Variants in EPHA6 observed in about 807,000 individuals in gnomAD.
EPHA6 encodes the protein EPH receptor A6.
EPHA6 carries 50 observed loss-of-function variants against 112.0 expected under a neutral mutation model. The observed-to-expected ratio is 0.45, with a 90% CI of 0.36 to 0.56. The LOEUF (loss-of-function observed/expected upper bound fraction) is 0.56. Ranked by LOEUF, EPHA6 falls within the 20% of genes least tolerant of loss-of-function variation. The pLI is 0.00. For synonymous variants in EPHA6, 529 were observed against 490.7 expected (o/e 1.08, Z -1.03); for missense variants, 1,280 against 1,417.4 (o/e 0.90, Z 1.56).
intron 7 of EPHA6, among the ~76,000 whole-genome samples, chr3:97,468,002 T>C (rs547724983): frequency 5.3e-5 from 8 of 151,874 alleles, no homozygotes; most frequent in African/African-American, 1.9e-4. Flanking sequence ...ACCTGACAAG[T>C]AAATTGAGGT....
rs4060986 is a variant in EPHA6 at position 97,760,545 on chromosome 3, TATAAAG to T, written c.*11848_*11853del. The T allele has an allele frequency of 0.24, 43,381 of 177,920 alleles. 5,351 individuals are homozygous for T. The highest frequency in any genetic ancestry group is 0.3 in the East Asian group (3,195 of 10,734). The allele number at this position is 177,920 out of a possible 1,614,324, so 11.0% of individuals were successfully genotyped here. ...TTTGCTGTTCTAGCATAGCCAAAAA[TATAAAG>T]ATATAGATGTACATATACATATGTA... On this transcript the variant is annotated 3_prime_UTR_variant, in exon 18 of 18. Coordinates refer to ENST00000389672, the MANE Select transcript of EPHA6 (RefSeq NM_001080448.3).
intron 14 of EPHA6, among the ~76,000 whole-genome samples, chr3:97,694,180 A>G (rs530205385): frequency 1.3e-5 from 2 of 151,650 alleles, no homozygotes; most frequent in South Asian, 4.2e-4. Flanking sequence ...AGAGAATCTT[A>G]TTATTTCTGG....
At chr3:97,059,220 C>T (rs1282808349) in intron 3 of EPHA6, among the ~76,000 whole-genome samples, 1 of 152,138 alleles carries the variant, frequency 6.6e-6, no homozygotes, top group Non-Finnish European at 1.5e-5. Flanking sequence ...TGAACTAGGT[C>T]TCTGAGAATC....
intron 5 of EPHA6, among the ~76,000 whole-genome samples, chr3:97,270,650 C>T (rs555262979): frequency 6.6e-6 from 1 of 152,322 alleles, no homozygotes; most frequent in South Asian, 2.1e-4. Context: ...TTGCCACAGT[C>T]ATAACCAGTC....
chr3:97,634,128 G>A (rs1222376943), intron 13 of EPHA6, among the ~76,000 whole-genome samples: 5 of 151,926 alleles, frequency 3.3e-5, no homozygotes, highest in East Asian at 3.9e-4. Flanking sequence ...ATTCAAATCC[G>A]GACTCCACCA....
chr3:96,885,513 A>T (rs1194058300), intron 2 of EPHA6, among the ~76,000 whole-genome samples: 3 of 152,016 alleles, frequency 2.0e-5, no homozygotes, highest in Admixed American at 1.3e-4. Context: ...TTATGTGTGT[A>T]ATGGTGTTCA....
chr3:97,237,803 T>C (rs1301464580), intron 4 of EPHA6, among the ~76,000 whole-genome samples: 2 of 151,956 alleles, frequency 1.3e-5, no homozygotes, highest in East Asian at 1.9e-4. Context: ...TACTCAAACA[T>C]GAAAAAGGCC....
rs573902672 is a variant in EPHA6 at position 97,670,248 on chromosome 3, G to T, written c.2784+32166G>T. ...AACACCATAAATACAGCTAGATTAT[G>T]GAGTGATTAAATACAGGATAAAAAA... On this transcript the variant is annotated intron_variant, in intron 14 of 17. Transcript: ENST00000389672. Among the ~76,000 whole-genome samples the T allele has an allele frequency of 7.2e-5, 11 of 152,250 alleles. No individual in the cohort carries two copies. The East Asian group carries it at 9.6e-4, about 13-fold the overall frequency.
chr3:96,903,920 C>G (rs922550749), intron 2 of EPHA6, among the ~76,000 whole-genome samples: 4 of 152,138 alleles, frequency 2.6e-5, no homozygotes, highest in Non-Finnish European at 1.5e-5. Context: ...CCATCTCACA[C>G]TAGTTAGAAT....
intron 5 of EPHA6, among the ~76,000 whole-genome samples, chr3:97,380,039 A>G (rs1194452918): frequency 6.6e-6 from 1 of 152,154 alleles, no homozygotes; most frequent in Non-Finnish European, 1.5e-5. Context: ...ACAGGAGTTC[A>G]TGGGAGATAG....
chr3:97,678,101 G>A (rs912727406), intron 14 of EPHA6, among the ~76,000 whole-genome samples: 1 of 152,106 alleles, frequency 6.6e-6, no homozygotes, highest in African/African-American at 2.4e-5. Context: ...GAAATGAGGG[G>A]TGGTGACTTG....
At chr3:97,276,942 G>A (rs899801694) in intron 5 of EPHA6, among the ~76,000 whole-genome samples, 2 of 152,304 alleles carry the variant, frequency 1.3e-5, no homozygotes, top group Admixed American at 1.3e-4. Context: ...CTGTAAGCCG[G>A]ACCAGGTGTG....
At chr3:97,298,514 TA>T (rs1342139642) in intron 5 of EPHA6, among the ~76,000 whole-genome samples, 2 of 152,174 alleles carry the variant, frequency 1.3e-5, no homozygotes, top group African/African-American at 4.8e-5. Flanking sequence ...CAATTACTTT[TA>T]AAAAAGGAAC....
intron 10 of EPHA6, among the ~76,000 whole-genome samples, chr3:97,502,778 G>A (rs1206791757): frequency 7.6e-6 from 1 of 131,254 alleles, no homozygotes. Flanking sequence ...AGGTTGCAGT[G>A]AGCCGAGATT....
chr3:97,396,257 C>T (rs1011193970), intron 5 of EPHA6, among the ~76,000 whole-genome samples: 14 of 149,854 alleles, frequency 9.3e-5, no homozygotes, highest in Non-Finnish European at 1.8e-4. Flanking sequence ...CACATATGCA[C>T]GCATGCACAC....
intron 13 of EPHA6, among the ~76,000 whole-genome samples, chr3:97,629,490 G>A (rs921026562): frequency 2.6e-5 from 4 of 151,876 alleles, no homozygotes; most frequent in African/African-American, 9.7e-5. Context: ...AATAGCATGA[G>A]TATACCTCTT....
intron 3 of EPHA6, among the ~76,000 whole-genome samples, chr3:97,156,566 G>A (rs762637447): frequency 4.6e-5 from 7 of 152,076 alleles, no homozygotes; most frequent in Non-Finnish European, 1.0e-4. Flanking sequence ...TTATTCATTA[G>A]CAGATAAAAG....
rs71623567 is a variant in EPHA6 at position 97,187,747 on chromosome 3, GGAAA to G, written c.1115-38504_1115-38501del. On this transcript the variant is annotated intron_variant, in intron 3 of 17. Transcript: ENST00000389672. The stretch of plus-strand genomic sequence containing the variant: ...AAAGAAAGAAAGAAAGAAAGAAAGA[GGAAA>G]GAAAGAAAGAAAAATGCCATATACA... Among the ~76,000 whole-genome samples the G allele has an allele frequency of 1.7e-3, 205 of 124,004 alleles. 1 individual carries two copies. The highest frequency in any genetic ancestry group is 6.0e-3 in the African/African-American group (196 of 32,812). 81.4% of individuals were successfully genotyped at this position (124,004 alleles called of 152,430 possible).
intron 1 of EPHA6, among the ~76,000 whole-genome samples, chr3:96,823,957 T>C (rs746436978): frequency 3.2e-4 from 48 of 151,966 alleles, no homozygotes; most frequent in Non-Finnish European, 6.6e-4. Flanking sequence ...TCCAATTTTA[T>C]TGTTATTTTT....
Sources: allele counts gnomAD v4.1 joint callset (sites outside exome capture counted in the v4.1 genomes callset), GRCh38; gene constraint gnomAD v4.1.1; transcripts MANE v1.5; gene names NCBI Gene and HGNC (gene_info 2026-07-23, HGNC 2026-07-21).